The following MLLT10 variants were observed in gnomAD, a reference collection of about 807,000 sequenced individuals.
MLLT10 encodes the protein MLLT10 histone lysine methyltransferase DOT1L cofactor, also known as protein AF-10.
A neutral mutation model predicts 129.1 loss-of-function variants in MLLT10; 30 were observed. The ratio of observed to expected loss-of-function variants is 0.23; its 90% CI spans 0.17 to 0.32. The LOEUF (loss-of-function observed/expected upper bound fraction) is 0.32. Ranked by LOEUF, MLLT10 falls within the 10% of genes least tolerant of loss-of-function variation. The probability of loss-of-function intolerance (pLI) is 1.00; values close to 1 mark genes in which losing one functional copy is unlikely to be tolerated. For missense variants in MLLT10, 1,119 were observed against 1,268.3 expected, an observed-to-expected ratio of 0.88 and a Z score of 1.79; for synonymous variants, 490 against 446.4, an observed-to-expected ratio of 1.10 and a Z score of -1.23.
intron 8 of MLLT10, among the ~76,000 whole-genome samples, chr10:21,645,003 C>T (rs1238367382): frequency 2.6e-5 from 4 of 152,156 alleles, no homozygotes; most frequent in Non-Finnish European, 4.4e-5. Context: ...ACTTTTCTTC[C>T]TCTCGCCTTC....
intron 13 of MLLT10, among the ~76,000 whole-genome samples, chr10:21,707,318 G>A (rs1033840663): frequency 7.3e-5 from 11 of 149,936 alleles, no homozygotes; most frequent in African/African-American, 9.9e-5. Flanking sequence ...TCAGCCTCCC[G>A]TGTAGCTGGG....
chr10:21,680,712 C>T (rs1020555039), intron 11 of MLLT10, among the ~76,000 whole-genome samples: 1 of 152,080 alleles, frequency 6.6e-6, no homozygotes, highest in African/African-American at 2.4e-5. Context: ...TGGCTCACGT[C>T]GGTAATCCCA....
At chr10:21,564,105 C>G (rs1337988971) in intron 3 of MLLT10, among the ~76,000 whole-genome samples, 1 of 152,104 alleles carries the variant, frequency 6.6e-6, no homozygotes, top group Non-Finnish European at 1.5e-5. Flanking sequence ...AGCCACCGTG[C>G]CCGGCCTATT....
chr10:21,561,905 A>C (rs2038860218), intron 3 of MLLT10, among the ~76,000 whole-genome samples: 2 of 151,238 alleles, frequency 1.3e-5, no homozygotes, highest in Admixed American at 1.3e-4. Context: ...TCCTGGGTTC[A>C]AGCAATTCTC....
rs1019454124 is a variant in MLLT10 at position 21,534,306 on chromosome 10, GC to G, written c.-208del. On this transcript the variant is annotated 5_prime_UTR_variant, in exon 1 of 23. Transcript: ENST00000307729. The stretch of plus-strand genomic sequence containing the variant: ...CCTCGCTGCCCCTGGCCCAGCGGGA[GC>G]CCCCCCTCCCCCCAGTGCGCCTGTG... The G allele has an allele frequency of 2.0e-4, 68 of 333,252 alleles. 7 individuals carry two copies. Among genetic ancestry groups the G allele is most frequent in the Middle Eastern group, 8.7e-4 (1 of 1,156 alleles). The allele number at this position is 333,252 out of a possible 1,614,324, so 20.6% of individuals were successfully genotyped here. A position where few individuals can be genotyped will look rare whatever the true frequency, so the allele number is the denominator to read the frequency against.
At chr10:21,737,167 G>GAGCCATAAT (rs2058439186) in intron 21 of MLLT10, among the ~76,000 whole-genome samples, 1 of 152,224 alleles carries the variant, frequency 6.6e-6, no homozygotes, top group South Asian at 2.1e-4. Flanking sequence ...GGTTGAGGGT[G>GAGCCATAAT]CAGTGACACC....
chr10:21,659,135 A>G (rs1392725372), intron 9 of MLLT10, among the ~76,000 whole-genome samples: 2 of 150,266 alleles, frequency 1.3e-5, no homozygotes, highest in Admixed American at 1.3e-4. Context: ...GCAGATACTT[A>G]TCTCACTCTG....
chr10:21,664,310 T>C (rs1055309374), intron 9 of MLLT10, among the ~76,000 whole-genome samples: 5 of 151,698 alleles, frequency 3.3e-5, no homozygotes, highest in African/African-American at 1.2e-4. Flanking sequence ...TGTTTGCTTT[T>C]TGTTTGTTTG....
chr10:21,617,878 C>T (rs1217679749), intron 8 of MLLT10, among the ~76,000 whole-genome samples: 1 of 152,058 alleles, frequency 6.6e-6, no homozygotes, highest in Non-Finnish European at 1.5e-5. Flanking sequence ...TTGCCATTAG[C>T]TGAGCATGGT....
chr10:21,708,180 G>GAAGGAAGGGAAGAAAAGGA (rs2055715220), intron 13 of MLLT10, among the ~76,000 whole-genome samples: 1 of 152,160 alleles, frequency 6.6e-6, no homozygotes, highest in African/African-American at 2.4e-5. Context: ...AGGAAGGAAG[G>GAAGGAAGGGAAGAAAAGGA]AAGGAAGGGA....
At chr10:21,664,823 C>T (rs934217084) in intron 9 of MLLT10, among the ~76,000 whole-genome samples, 2 of 151,952 alleles carry the variant, frequency 1.3e-5, no homozygotes, top group African/African-American at 4.8e-5. Context: ...GTGAAATCTA[C>T]TGGCTGATAT....
At chr10:21,666,101 CTT>C (rs771044421) in intron 9 of MLLT10, among the ~76,000 whole-genome samples, 68 of 152,148 alleles carry the variant, frequency 4.5e-4, no homozygotes, top group Admixed American at 1.1e-3. Flanking sequence ...TTTGATTGAA[CTT>C]TTTTTATGAT....
At chr10:21,724,832 T>C (rs965981471) in intron 14 of MLLT10, among the ~76,000 whole-genome samples, 6 of 152,228 alleles carry the variant, frequency 3.9e-5, no homozygotes, top group Non-Finnish European at 7.3e-5. Flanking sequence ...GCTTCATCTG[T>C]TTAAGGGTTC....
Position 21,694,991 on chromosome 10 carries a change from T to C in MLLT10, c.1699+12734T>C, listed in dbSNP as rs141604018. Among the ~76,000 whole-genome samples, 346 of 152,128 alleles carry C rather than the reference T, an allele frequency of 2.3e-3. 1 individual carries two copies. Among genetic ancestry groups the C allele is most frequent in the African/African-American group, 7.9e-3 (327 of 41,496 alleles). On this transcript the variant is annotated intron_variant, in intron 13 of 22. Transcript: ENST00000307729. ...TTGAATCCTTCTCACACTTAGAATCTGTCTGACTTCGCCTTCTGCCGCATC... is the reference window on the plus strand; with the variant it reads ...TTGAATCCTTCTCACACTTAGAATCCGTCTGACTTCGCCTTCTGCCGCATC...
chr10:21,554,917 G>T (rs1038388857), intron 3 of MLLT10, among the ~76,000 whole-genome samples: 1 of 151,492 alleles, frequency 6.6e-6, no homozygotes, highest in Non-Finnish European at 1.5e-5. Context: ...TACCACCCGG[G>T]TTCAAGCAAT....
chr10:21,741,834 GA>G, intron 22 of MLLT10, 104 bp from the exon 23 acceptor site: 7 of 1,200,180 alleles, frequency 5.8e-6, no homozygotes, highest in Non-Finnish European at 8.3e-6. Flanking sequence ...AGAAAAAAGG[GA>G]GTAACTTTCT....
At position 21,717,888 on chromosome 10, in the gene MLLT10, T is replaced by TCTCCTC. The variant is rs1197942786; in HGVS notation, c.1878+3956_1878+3961dup. 1.1e-4 allele frequency among the ~76,000 whole-genome samples: 8 copies of TCTCCTC among 76,006 alleles called. No homozygotes were observed. In the South Asian group the frequency reaches 4.3e-3, roughly 41 times the overall value. The allele number at this position is 76,006 out of a possible 152,430, so 49.9% of individuals were successfully genotyped here. ...TTCTCCTCCTCCTTCTCCTCCTCCT[T>TCTCCTC]CTCCTCCTCCTCCTCCTCCTCCTTC... On this transcript the variant is annotated intron_variant, in intron 14 of 22. Transcript: ENST00000307729.
At chr10:21,695,435 A>G (rs1325057964) in intron 13 of MLLT10, among the ~76,000 whole-genome samples, 1 of 152,224 alleles carries the variant, frequency 6.6e-6, no homozygotes, top group East Asian at 1.9e-4. Context: ...TTGAATAACC[A>G]GGGGATAGCA....
intron 13 of MLLT10, among the ~76,000 whole-genome samples, chr10:21,694,591 G>T (rs1049818474): frequency 6.6e-6 from 1 of 152,184 alleles, no homozygotes; most frequent in Admixed American, 6.6e-5. Flanking sequence ...TTATTGTGAT[G>T]CTGAAAATTG....
Sources: allele counts gnomAD v4.1 joint callset (sites outside exome capture counted in the v4.1 genomes callset), GRCh38; gene constraint gnomAD v4.1.1; transcripts MANE v1.5; gene names NCBI Gene and HGNC (gene_info 2026-07-23, HGNC 2026-07-21).